The following EDA variants were observed in gnomAD, a reference collection of about 807,000 sequenced individuals.
EDA encodes the protein ectodysplasin A.
A neutral mutation model predicts 23.6 loss-of-function variants in EDA; 2 were observed. That is an observed-to-expected ratio of 0.08 (90% CI 0.03 to 0.27). EDA has a LOEUF of 0.27. Among genes scored for constraint, EDA ranks in the 10% least tolerant of loss-of-function variants. EDA has a pLI of 1.00. For missense variants in EDA, 229 were observed against 324.2 expected (o/e 0.71, Z 2.26); for synonymous variants, 131 against 132.0 (o/e 0.99, Z 0.05).
chrX:69,758,037 G>A (rs1166479536), intron 1 of EDA, among the ~76,000 whole-genome samples: 3 of 111,875 alleles, frequency 2.7e-5, no homozygotes, highest in Non-Finnish European at 3.8e-5. Context: ...TTTTTATTGC[G>A]TATCACTCAG....
chrX:69,783,270 T>C (rs1602400219), intron 1 of EDA, among the ~76,000 whole-genome samples: 1 of 111,182 alleles, frequency 9.0e-6, no homozygotes, highest in South Asian at 3.9e-4. Flanking sequence ...GATTTTTTTT[T>C]TGCTTCTTTT....
intron 1 of EDA, among the ~76,000 whole-genome samples, chrX:69,677,709 A>C (rs1407151649): frequency 9.0e-6 from 1 of 111,637 alleles, no homozygotes; most frequent in Admixed American, 9.5e-5. Context: ...AGTTCATTGT[A>C]GATTCTGGAT....
rs1284047370 is a variant in EDA, at chrX:69,895,770, G to A, written c.397-61257G>A. On this transcript the variant is annotated intron_variant, in intron 1 of 7. Coordinates refer to ENST00000374552, the MANE Select transcript of EDA (RefSeq NM_001399.5). ...CTTTCCACTTTCCACTTTCCACAGCGGTAATTATCATTTGTTCTGTGGCTA... is the reference window on the plus strand; with the variant it reads ...CTTTCCACTTTCCACTTTCCACAGCAGTAATTATCATTTGTTCTGTGGCTA... Among the ~76,000 whole-genome samples, 6 of 111,243 alleles carry A rather than the reference G, an allele frequency of 5.4e-5. No individual in the cohort carries two copies. The East Asian group carries it at 8.5e-4, about 16-fold the overall frequency.
chrX:69,760,473 A>T (rs763544386), intron 1 of EDA, among the ~76,000 whole-genome samples: 1 of 111,817 alleles, frequency 8.9e-6, no homozygotes, highest in South Asian at 3.7e-4. Flanking sequence ...ATAAGTGAAG[A>T]TCCTCATTCT....
intron 1 of EDA, among the ~76,000 whole-genome samples, chrX:69,705,298 C>T (rs1416137780): frequency 9.0e-6 from 1 of 110,536 alleles, no homozygotes; most frequent in East Asian, 2.8e-4. Context: ...CCCCCTCCAT[C>T]TGCCTAAAGA....
chrX:70,032,549 G>A lies in EDA; in HGVS notation c.794-849G>A, dbSNP rs771212305. On this transcript the variant is annotated intron_variant, in intron 6 of 7. Transcript: ENST00000374552. ...GCTTGGATGTCCTCCTCTCATGGTG[G>A]GAAGGAACATTCCTCTTTCTGCAGG... 2.7e-5 allele frequency among the ~76,000 whole-genome samples: 3 copies of A among 111,637 alleles called. No homozygotes were observed. The South Asian group carries it at 1.1e-3, about 42-fold the overall frequency.
intron 1 of EDA, among the ~76,000 whole-genome samples, chrX:69,633,635 C>T (rs1243802110): frequency 8.9e-6 from 1 of 112,422 alleles, no homozygotes; most frequent in African/African-American, 3.2e-5. Flanking sequence ...GTCTGGCCTT[C>T]TTCACTTAGC....
At chrX:70,018,349 A>G (rs764121014) in intron 2 of EDA, among the ~76,000 whole-genome samples, 1 of 112,307 alleles carries the variant, frequency 8.9e-6, no homozygotes, top group Non-Finnish European at 1.9e-5. Flanking sequence ...AGAAAAAACT[A>G]TTTTAAAATT....
intron 1 of EDA, 149 bp from the exon 2 acceptor site, chrX:69,956,878 T>C: frequency 2.1e-6 from 1 of 481,022 alleles, no homozygotes; most frequent in Non-Finnish European, 3.7e-6. Context: ...AAAAATAAAA[T>C]GGTTTGTACA....
intron 2 of EDA, among the ~76,000 whole-genome samples, chrX:69,966,583 A>G (rs999617910): frequency 7.3e-5 from 8 of 110,176 alleles, no homozygotes; most frequent in Non-Finnish European, 1.5e-4. Context: ...CAAAAAAAAA[A>G]AAAAAAATGA....
chrX:69,810,687 C>G (rs1442128448), intron 1 of EDA, among the ~76,000 whole-genome samples: 2 of 104,554 alleles, frequency 1.9e-5, no homozygotes, highest in Non-Finnish European at 3.9e-5. Flanking sequence ...ACCCAGGAGG[C>G]GGAGGTTGCA....
chrX:69,821,186 G>T (rs1340566497), intron 1 of EDA, among the ~76,000 whole-genome samples: 1 of 105,008 alleles, frequency 9.5e-6, no homozygotes, highest in Non-Finnish European at 1.9e-5. Flanking sequence ...TAAGTGGGAG[G>T]GTTATGATGA....
rs751000616 is a variant in EDA, at chrX:69,660,208, A to G, written c.396+43504A>G. Among the ~76,000 whole-genome samples, 4 of 111,695 alleles carry G rather than the reference A, an allele frequency of 3.6e-5. No homozygotes were observed. In the South Asian group the frequency reaches 1.5e-3, roughly 43 times the overall value. On this transcript the variant is annotated intron_variant, in intron 1 of 7. Coordinates refer to ENST00000374552, the MANE Select transcript of EDA (RefSeq NM_001399.5). The stretch of plus-strand genomic sequence containing the variant: ...CCCACTCCTATATGTAGCTTTGAAT[A>G]GGCTTAGGTATTAAATCATGTCTTA...
intron 2 of EDA, among the ~76,000 whole-genome samples, chrX:69,977,763 A>G (rs1252602946): frequency 1.8e-5 from 2 of 111,837 alleles, no homozygotes; most frequent in Non-Finnish European, 3.8e-5. Context: ...ATTAAACAGA[A>G]CAGTATATTA....
intron 1 of EDA, among the ~76,000 whole-genome samples, chrX:69,746,435 T>A (rs1257288695): frequency 8.9e-6 from 1 of 111,910 alleles, no homozygotes; most frequent in Non-Finnish European, 1.9e-5. Flanking sequence ...ATATACAGTT[T>A]TCTTCCATTG....
intron 1 of EDA, among the ~76,000 whole-genome samples, chrX:69,689,606 A>T (rs2147295738): frequency 1.8e-5 from 2 of 108,724 alleles, no homozygotes; most frequent in East Asian, 2.8e-4. Context: ...AAGTGCTGGG[A>T]TTACAGGTGT....
intron 1 of EDA, among the ~76,000 whole-genome samples, chrX:69,800,003 G>T (rs2015643129): frequency 1.8e-5 from 2 of 111,948 alleles, no homozygotes; most frequent in Admixed American, 1.9e-4. Flanking sequence ...AGAAAATGTG[G>T]CATGTATACA....
At chrX:69,785,411 T>A (rs368390762) in intron 1 of EDA, among the ~76,000 whole-genome samples, 19,742 of 81,181 alleles carry the variant, frequency 0.24, 3,925 homozygotes, top group Middle Eastern at 0.46. Flanking sequence ...CCCATTCAGT[T>A]TGATATTGGC....
intron 1 of EDA, among the ~76,000 whole-genome samples, chrX:69,702,616 G>C (rs1198985053): frequency 2.7e-5 from 3 of 109,544 alleles, no homozygotes; most frequent in African/African-American, 1.0e-4. Context: ...AGGAGGGGTG[G>C]ACAGCAGTCT....
Sources: allele counts gnomAD v4.1 joint callset (sites outside exome capture counted in the v4.1 genomes callset), GRCh38; gene constraint gnomAD v4.1.1; transcripts MANE v1.5; gene names NCBI Gene and HGNC (gene_info 2026-07-23, HGNC 2026-07-21).